The following NDUFS1 variants were observed in gnomAD, a reference collection of about 807,000 sequenced individuals.
NDUFS1 encodes NADH:ubiquinone oxidoreductase core subunit S1.
In NDUFS1, 61 loss-of-function variants were observed where a neutral mutation model predicts 84.4. The ratio of observed to expected loss-of-function variants is 0.72; its 90% CI spans 0.59 to 0.89. The LOEUF (loss-of-function observed/expected upper bound fraction) is 0.89. NDUFS1 is among the 40% of genes least tolerant of loss of function. NDUFS1 has a pLI of 0.00. For synonymous variants in NDUFS1, 275 were observed against 290.0 expected (o/e 0.95, Z 0.53); for missense variants, 891 against 890.0 (o/e 1.00, Z -0.01).
At chr2:206,140,175 T>C (rs1443657412) in intron 12 of NDUFS1, among the ~76,000 whole-genome samples, 2 of 152,098 alleles carry the variant, frequency 1.3e-5, no homozygotes, top group Non-Finnish European at 2.9e-5. Context: ...GGAGATCCTG[T>C]CTCTACAAAA....
In NDUFS1 at chr2:206,119,469, G is replaced by A. The variant is rs970250399; in HGVS notation, c.*4716C>T. The A allele has an allele frequency of 2.6e-5, 4 of 152,122 alleles. No homozygotes were observed. Among genetic ancestry groups the A allele is most frequent in the African/African-American group, 4.8e-5 (2 of 41,402 alleles). 9.4% of individuals were successfully genotyped at this position (152,122 alleles called of 1,614,324 possible). On this transcript the variant is annotated 3_prime_UTR_variant, in exon 19 of 19. Coordinates refer to ENST00000233190, the MANE Select transcript of NDUFS1 (RefSeq NM_005006.7). The stretch of plus-strand genomic sequence containing the variant: ...CTGTCACCCAGGCTGGAGTGCAACG[G>A]TGCAATCTTGACTCACTGCAACCTC...
chr2:206,157,136 G>A (rs1687688305), intron 1 of NDUFS1, among the ~76,000 whole-genome samples: 1 of 152,160 alleles, frequency 6.6e-6, no homozygotes. Flanking sequence ...ATTTTCAGTA[G>A]AGAAGGGGTT....
chr2:206,130,596 C>A (rs1234524147), intron 14 of NDUFS1, among the ~76,000 whole-genome samples: 1 of 152,148 alleles, frequency 6.6e-6, no homozygotes, highest in Non-Finnish European at 1.5e-5. Context: ...CTCAGGTGAT[C>A]CACCTGTCTT....
chr2:206,152,497 G>A lies in NDUFS1; in HGVS notation c.75C>T (p.Ala25=). 1 of 1,614,000 alleles carries A rather than the reference G, an allele frequency of 6.2e-7. No individual in the cohort carries two copies. The highest frequency in any genetic ancestry group is 1.7e-5 in the Admixed American group (1 of 60,012). ...KSPKGCVRTT[A]TAASNLIEVF... is the part of the protein sequence containing the mutation. ...CTTCAATCAAGTTGCTTGCTGCTGT[G>A]GCAGTTGTTCGAACTGACCATCAAA... The change falls in exon 3 of 19, where the codon GCC becomes GCT. Residue 25 remains alanine, a synonymous_variant. Transcript: ENST00000233190.
intron 11 of NDUFS1, among the ~76,000 whole-genome samples, chr2:206,142,274 G>A (rs574997090): frequency 5.3e-5 from 8 of 152,168 alleles, no homozygotes; most frequent in East Asian, 1.9e-4. Context: ...ATGCAGTGGC[G>A]TGATCCTGGC....
chr2:206,123,890 A>G lies in NDUFS1; in HGVS notation c.*295T>C. 1 of 275,452 alleles carries G rather than the reference A, an allele frequency of 3.6e-6. No homozygotes were observed. 17.1% of individuals were successfully genotyped at this position (275,452 alleles called of 1,614,324 possible). On this transcript the variant is annotated 3_prime_UTR_variant, in exon 19 of 19. Transcript: ENST00000233190. ...CCATTTTACAGACAAATTATTTATG[A>G]AGATAAGCCAACAACTCATAATTTA...
chr2:206,126,353 T>C (rs1271001775), intron 18 of NDUFS1, among the ~76,000 whole-genome samples, 186 bp downstream of exon 18: 1 of 152,208 alleles, frequency 6.6e-6, no homozygotes, highest in Non-Finnish European at 1.5e-5. Flanking sequence ...TTGCTTACAT[T>C]TCAGAAACAA....
intron 2 of NDUFS1, 24 bp from the exon 3 acceptor site, chr2:206,152,534 G>A (rs746591002): frequency 1.8e-5 from 28 of 1,594,194 alleles, no homozygotes; most frequent in African/African-American, 5.4e-5. Flanking sequence ...ATATTGAAGC[G>A]AAAAACAGAT....
intron 13 of NDUFS1, among the ~76,000 whole-genome samples, chr2:206,136,068 T>A (rs1691699016): frequency 1.3e-5 from 2 of 151,484 alleles, no homozygotes. Context: ...TTTGTTTTTT[T>A]GAGATGGAGT....
In NDUFS1 at chr2:206,134,673, G is replaced by GA; in HGVS notation, c.1393-1569dup. Among the ~76,000 whole-genome samples, 3 of 152,048 alleles carry GA rather than the reference G, an allele frequency of 2.0e-5. No homozygotes were observed. In the South Asian group the frequency reaches 6.2e-4, roughly 32 times the overall value. On this transcript the variant is annotated intron_variant, in intron 13 of 18. Transcript: ENST00000233190. ...CAGGATACAAAACAAATGGAAAAAG[G>GA]AAAAAAACACAGATATGAAAAACCA...
intron 9 of NDUFS1, among the ~76,000 whole-genome samples, chr2:206,144,534 C>G (rs1692085964): frequency 6.6e-6 from 1 of 152,178 alleles, no homozygotes; most frequent in Non-Finnish European, 1.5e-5. Context: ...TATTCAGCTT[C>G]TTTTTCAAGC....
intron 18 of NDUFS1, 75 bp downstream of exon 18, chr2:206,126,464 T>G: frequency 7.4e-7 from 1 of 1,348,990 alleles, no homozygotes. Flanking sequence ...CAAATTGGAA[T>G]TATAACACCA....
Position 206,130,147 on chromosome 2 carries a change from G to A in NDUFS1, c.1649C>T (p.Ala550Val). ...CTGTCGTGTGATACAACCTCCATCT[G>A]CTCCCAGGAGAAACAGCACCTTGGG... is the stretch of plus-strand genomic sequence containing the variant. ...NPPKVLFLLG[A>V]DGGCITRQDL... Residue 550 changes from alanine (A) to valine (V), a missense_variant, in exon 15 of 19, where the codon GCA (alanine) becomes GTA (valine). Coordinates refer to ENST00000233190, the MANE Select transcript of NDUFS1 (RefSeq NM_005006.7). 6.2e-7 allele frequency: 1 copy of A among 1,614,120 alleles called. No individual in the cohort carries two copies. Among genetic ancestry groups the A allele is most frequent in the Non-Finnish European group, 8.5e-7 (1 of 1,180,008 alleles).
Position 206,116,414 on chromosome 2 carries a change from C to T in NDUFS1, c.*7771G>A. The T allele has an allele frequency of 1.2e-6, 1 of 806,504 alleles. No individual in the cohort carries two copies. Among genetic ancestry groups the T allele is most frequent in the South Asian group, 1.4e-5 (1 of 70,598 alleles). The allele number at this position is 806,504 out of a possible 1,614,324, so 50.0% of individuals were successfully genotyped here. ...CGGCGCCCATCCCAAGCTGCCAGGG[C>T]CTCGATAGGCAGGGCGCGGCAGGTG... On this transcript the variant is annotated 3_prime_UTR_variant, in exon 19 of 19. Transcript: ENST00000233190.
At position 206,118,308 on chromosome 2, in the gene NDUFS1, A is replaced by G. The variant is rs1327075419; in HGVS notation, c.*5877T>C. On this transcript the variant is annotated 3_prime_UTR_variant, in exon 19 of 19. Transcript: ENST00000233190. ...ACTAAAGTGCTATGTAACTATTAAA[A>G]TATTTTAAAATATTGGTTATTTAAA... The G allele has an allele frequency of 1.3e-5, 2 of 152,230 alleles. No homozygotes were observed. Among genetic ancestry groups the G allele is most frequent in the African/African-American group, 4.8e-5 (2 of 41,462 alleles). The allele number at this position is 152,230 out of a possible 1,614,324, so 9.4% of individuals were successfully genotyped here. A position where few individuals can be genotyped will look rare whatever the true frequency, so the allele number is the denominator to read the frequency against.
intron 9 of NDUFS1, among the ~76,000 whole-genome samples, 169 bp from the exon 10 acceptor site, chr2:206,144,301 A>T (rs1042482955): frequency 1.3e-5 from 2 of 152,254 alleles, no homozygotes; most frequent in Non-Finnish European, 2.9e-5. Flanking sequence ...ATGAACTAAT[A>T]GATTTTATGA....
chr2:206,157,148 C>T (rs1262052582), intron 1 of NDUFS1, among the ~76,000 whole-genome samples: 4 of 152,188 alleles, frequency 2.6e-5, no homozygotes, highest in Non-Finnish European at 4.4e-5. Context: ...GAAGGGGTTT[C>T]GCCATGTTGG....
chr2:206,152,808 G>A (rs956066533), intron 2 of NDUFS1, among the ~76,000 whole-genome samples: 1 of 149,670 alleles, frequency 6.7e-6, no homozygotes. Flanking sequence ...CGGTTCAAGC[G>A]ATTCTCCTGC....
At chr2:206,145,741 CCCT>C (rs1412550485) in intron 8 of NDUFS1, among the ~76,000 whole-genome samples, 2 of 152,150 alleles carry the variant, frequency 1.3e-5, no homozygotes, top group Admixed American at 1.3e-4. Context: ...CCTCTCCACC[CCCT>C]CAAAATGGAA....
Sources: gnomAD v4.1 joint callset for allele counts (sites outside exome capture counted in the v4.1 genomes callset) on GRCh38, gnomAD v4.1.1 for gene constraint, MANE v1.5 for transcripts, NCBI Gene and HGNC (gene_info 2026-07-23, HGNC 2026-07-21) for gene names.